SLC25A13: variants seen among roughly 807,000 people sequenced by gnomAD.
SLC25A13 encodes solute carrier family 25 member 13, also known as electrogenic aspartate/glutamate antiporter SLC25A13, mitochondrial.
In SLC25A13, 70 loss-of-function variants were observed where a neutral mutation model predicts 85.5. The ratio of observed to expected loss-of-function variants is 0.82; its 90% CI spans 0.68 to 1.00. The LOEUF is 1.00. Ranked by LOEUF, SLC25A13 falls within the 50% of genes least tolerant of loss-of-function variation. The pLI is 0.00. For missense variants in SLC25A13, 765 were observed against 819.8 expected (o/e 0.93, Z 0.82); for synonymous variants, 259 against 288.7 (o/e 0.90, Z 1.04).
intron 3 of SLC25A13, among the ~76,000 whole-genome samples, chr7:96,240,980 A>AGAGGGGAGGGGAGGGGAGGGGAGGG (rs1193179185): frequency 6.8e-5 from 1 of 14,636 alleles, no homozygotes; most frequent in Non-Finnish European, 1.3e-4. Flanking sequence ...AAAGGAGAGG[A>AGAGGGGAGGGGAGGGGAGGGGAGGG]GAGGGGAGGG....
intron 9 of SLC25A13, 116 bp from the exon 10 acceptor site, chr7:96,185,127 T>C (rs1384720752): frequency 5.9e-6 from 4 of 680,954 alleles, no homozygotes; most frequent in Non-Finnish European, 9.6e-6. Context: ...AAATCCATGA[T>C]ACAACTAAAA....
At chr7:96,278,848 CA>C (rs1484618406) in intron 2 of SLC25A13, among the ~76,000 whole-genome samples, 1 of 151,958 alleles carries the variant, frequency 6.6e-6, no homozygotes, top group Non-Finnish European at 1.5e-5. Flanking sequence ...CTAACTGAGC[CA>C]AAACAAGATG....
At chr7:96,151,877 G>A (rs913092637) in intron 13 of SLC25A13, among the ~76,000 whole-genome samples, 7 of 151,910 alleles carry the variant, frequency 4.6e-5, no homozygotes, top group Admixed American at 6.6e-5. Context: ...CCCGGGCAGC[G>A]GAGGTTGCAG....
chr7:96,304,826 A>G (rs1174344913), intron 1 of SLC25A13, among the ~76,000 whole-genome samples: 1 of 152,250 alleles, frequency 6.6e-6, no homozygotes, highest in Non-Finnish European at 1.5e-5. Context: ...CCAATAAATC[A>G]GAAACCCTGC....
chr7:96,143,244 G>A (rs1792642006), intron 14 of SLC25A13, among the ~76,000 whole-genome samples: 1 of 152,142 alleles, frequency 6.6e-6, no homozygotes, highest in African/African-American at 2.4e-5. Flanking sequence ...CATTCCTAAA[G>A]TATAATTTGT....
At chr7:96,278,610 A>G (rs1474673601) in intron 2 of SLC25A13, among the ~76,000 whole-genome samples, 1 of 152,206 alleles carries the variant, frequency 6.6e-6, no homozygotes, top group Non-Finnish European at 1.5e-5. Context: ...CATAAGACTG[A>G]TGCTAGAAAT....
At position 96,277,251 on chromosome 7, in the gene SLC25A13, G is replaced by C; in HGVS notation, c.157C>G (p.Pro53Ala). The C allele has an allele frequency of 6.2e-7, 1 of 1,611,072 alleles. No individual in the cohort carries two copies. The highest frequency in any genetic ancestry group is 8.5e-7 in the Non-Finnish European group (1 of 1,178,546). Residue 53 changes from proline to alanine, a missense_variant, in exon 3 of 18, where the codon CCT (proline) becomes GCT (alanine). By Grantham distance (27) the Pro-to-Ala change is conservative. Coordinates refer to ENST00000265631, the MANE Select transcript of SLC25A13 (RefSeq NM_014251.3). ...AAAAGTTCCACAGTCTTTGGATTAG[G>C]CTGGCTTTCTCCAAAAATGTTCAAG... ...RYLNIFGESQ[P>A]NPKTVELLSG...
At chr7:96,203,978 A>G (rs1424935854) in intron 5 of SLC25A13, among the ~76,000 whole-genome samples, 1 of 152,212 alleles carries the variant, frequency 6.6e-6, no homozygotes, top group East Asian at 1.9e-4. Flanking sequence ...ACGGCATCGT[A>G]TTCTTGAATT....
At chr7:96,217,432 T>C (rs535220950) in intron 4 of SLC25A13, among the ~76,000 whole-genome samples, 2 of 152,302 alleles carry the variant, frequency 1.3e-5, no homozygotes, top group Admixed American at 6.5e-5. Flanking sequence ...CTCACATACA[T>C]GAATGTTCAC....
intron 4 of SLC25A13, among the ~76,000 whole-genome samples, chr7:96,229,140 G>T (rs1796431945): frequency 6.6e-6 from 1 of 152,226 alleles, no homozygotes; most frequent in Non-Finnish European, 1.5e-5. Flanking sequence ...CAGCCCCAGT[G>T]CGGGATCTAC....
intron 1 of SLC25A13, among the ~76,000 whole-genome samples, chr7:96,317,340 T>G (rs1002226925): frequency 2.6e-5 from 4 of 152,084 alleles, no homozygotes; most frequent in Non-Finnish European, 5.9e-5. Flanking sequence ...AAAAGGATGA[T>G]AGTAACTAAC....
At chr7:96,173,547 T>C (rs1490758952) in intron 11 of SLC25A13, among the ~76,000 whole-genome samples, 1 of 152,230 alleles carries the variant, frequency 6.6e-6, no homozygotes, top group Non-Finnish European at 1.5e-5. Context: ...CTATCAGCAT[T>C]TGAGTTTGCA....
intron 11 of SLC25A13, among the ~76,000 whole-genome samples, chr7:96,176,704 G>T (rs979146324): frequency 3.3e-5 from 5 of 152,200 alleles, no homozygotes; most frequent in Non-Finnish European, 7.3e-5. Context: ...TGGGCCCACT[G>T]TGTTCAACTA....
At chr7:96,237,458 G>A (rs1397755225) in intron 3 of SLC25A13, among the ~76,000 whole-genome samples, 1 of 152,228 alleles carries the variant, frequency 6.6e-6, no homozygotes, top group Non-Finnish European at 1.5e-5. Flanking sequence ...AGAGCGAGAT[G>A]CCAGCCACCT....
At chr7:96,124,937 G>A (rs1314713880) in intron 15 of SLC25A13, among the ~76,000 whole-genome samples, 1 of 152,166 alleles carries the variant, frequency 6.6e-6, no homozygotes, top group Non-Finnish European at 1.5e-5. Context: ...GGACTTTGGC[G>A]CACTGGCACT....
intron 4 of SLC25A13, among the ~76,000 whole-genome samples, chr7:96,218,693 T>A (rs1795989090): frequency 1.3e-5 from 2 of 152,074 alleles, no homozygotes; most frequent in Non-Finnish European, 2.9e-5. Flanking sequence ...TAAACCATAA[T>A]CTCTCTCTCT....
intron 15 of SLC25A13, among the ~76,000 whole-genome samples, chr7:96,127,875 T>A (rs998522304): frequency 1.3e-5 from 2 of 152,344 alleles, no homozygotes; most frequent in East Asian, 1.9e-4. Flanking sequence ...CTGAATACCA[T>A]GTATCCTCTC....
chr7:96,276,097 G>C (rs936048140), intron 3 of SLC25A13, among the ~76,000 whole-genome samples: 1 of 152,180 alleles, frequency 6.6e-6, no homozygotes, highest in Non-Finnish European at 1.5e-5. Context: ...TCTGTCAAAA[G>C]GGTGCTGGCA....
chr7:96,182,390 T>C (rs1406020472), intron 11 of SLC25A13, among the ~76,000 whole-genome samples: 1 of 152,220 alleles, frequency 6.6e-6, no homozygotes, highest in Non-Finnish European at 1.5e-5. Flanking sequence ...CACACTCTAC[T>C]CATCATCCTG....
Sources: allele counts gnomAD v4.1 joint callset (sites outside exome capture counted in the v4.1 genomes callset), GRCh38; gene constraint gnomAD v4.1.1; transcripts MANE v1.5; gene names NCBI Gene and HGNC (gene_info 2026-07-23, HGNC 2026-07-21).